The following DOCK11 variants were observed in gnomAD, a reference collection of about 807,000 sequenced individuals.
DOCK11 encodes the protein dedicator of cytokinesis 11.
In DOCK11, 70 loss-of-function variants were observed where a neutral mutation model predicts 169.1. That is an observed-to-expected ratio of 0.41 (90% CI 0.34 to 0.51). DOCK11 has a LOEUF of 0.51. DOCK11 is among the 20% of genes least tolerant of loss of function. DOCK11 has a pLI of 0.10. For synonymous variants in DOCK11, 529 were observed against 541.3 expected, an observed-to-expected ratio of 0.98 and a Z score of 0.32; for missense variants, 1,166 against 1,538.8, an observed-to-expected ratio of 0.76 and a Z score of 4.05.
intron 41 of DOCK11, among the ~76,000 whole-genome samples, chrX:118,649,357 A>G (rs1324553648): frequency 2.7e-5 from 3 of 111,878 alleles, no homozygotes; most frequent in Non-Finnish European, 5.6e-5. Flanking sequence ...TATATGTTGA[A>G]ATGATATGTT....
chrX:118,627,625 A>G, intron 33 of DOCK11, 46 bp downstream of exon 33: 1 of 918,128 alleles, frequency 1.1e-6, no homozygotes, highest in Non-Finnish European at 1.6e-6. Context: ...GTGTTTAGAC[A>G]TGTACCCTCT....
intron 48 of DOCK11, among the ~76,000 whole-genome samples, chrX:118,680,084 G>A (rs753409424): frequency 3.7e-5 from 4 of 107,862 alleles, no homozygotes; most frequent in African/African-American, 1.4e-4. Flanking sequence ...ATGCCACCCC[G>A]CCTGGCTAAT....
intron 16 of DOCK11, 144 bp downstream of exon 16, chrX:118,585,261 T>A: frequency 1.9e-6 from 1 of 517,028 alleles, no homozygotes; most frequent in Non-Finnish European, 3.2e-6. Flanking sequence ...TTGGGTGGCT[T>A]AAGACAACAA....
At chrX:118,567,235 A>G (rs1270533978) in intron 9 of DOCK11, among the ~76,000 whole-genome samples, 1 of 111,535 alleles carries the variant, frequency 9.0e-6, no homozygotes, top group Admixed American at 9.5e-5. Flanking sequence ...ATTATAGTAG[A>G]TTAGAAGGTT....
At chrX:118,680,379 G>A (rs2016714151) in intron 48 of DOCK11, 103 bp from the exon 49 acceptor site, 1 of 387,065 alleles carries the variant, frequency 2.6e-6, no homozygotes, top group Non-Finnish European at 4.0e-6. Flanking sequence ...TTCCTCACTT[G>A]GTCTCAAAGA....
At chrX:118,565,458 C>T (rs2013050955) in intron 7 of DOCK11, among the ~76,000 whole-genome samples, 1 of 111,757 alleles carries the variant, frequency 8.9e-6, no homozygotes, top group African/African-American at 3.3e-5. Context: ...TATGGTCGCC[C>T]TATTGTGCTG....
At chrX:118,600,409 TA>T (rs749187430) in intron 23 of DOCK11, among the ~76,000 whole-genome samples, 151 of 73,863 alleles carry the variant, frequency 2.0e-3, no homozygotes, top group African/African-American at 3.2e-3. Context: ...TCTTTTTTTT[TA>T]AAAAAAAAAA....
At chrX:118,656,392 C>G (rs1301621852) in intron 44 of DOCK11, among the ~76,000 whole-genome samples, 1 of 111,624 alleles carries the variant, frequency 9.0e-6, no homozygotes, top group Non-Finnish European at 1.9e-5. Flanking sequence ...CTCTGGAATT[C>G]TTTTGAATAA....
At chrX:118,642,368 A>C (rs2015554588) in intron 39 of DOCK11, among the ~76,000 whole-genome samples, 1 of 112,356 alleles carries the variant, frequency 8.9e-6, no homozygotes, top group Admixed American at 9.5e-5. Flanking sequence ...GAAATGTTCT[A>C]AAATTGGATT....
At chrX:118,608,715 A>G (rs1267743371) in intron 26 of DOCK11, among the ~76,000 whole-genome samples, 2 of 112,008 alleles carry the variant, frequency 1.8e-5, no homozygotes, top group African/African-American at 6.5e-5. Context: ...CGTTCCTGGC[A>G]CATTGTAGGC....
Position 118,641,180 on chromosome X carries a change from T to C in DOCK11, c.4145-10T>C. On this transcript the variant is annotated splice_polypyrimidine_tract_variant and intron_variant, in intron 38 of 52. Coordinates refer to ENST00000276202, the MANE Select transcript of DOCK11 (RefSeq NM_144658.4). ...GTTGGGAAAAGTTTAATTTACTTTT[T>C]TAATCCTAGGTTCTACAACAACTGA... is the stretch of plus-strand genomic sequence containing the variant. The C allele has an allele frequency of 8.5e-7, 1 of 1,171,533 alleles. No individual in the cohort carries two copies. The highest frequency in any genetic ancestry group is 1.2e-6 in the Non-Finnish European group (1 of 859,241).
At chrX:118,625,356 C>T (rs1490258644) in intron 32 of DOCK11, among the ~76,000 whole-genome samples, 2 of 110,441 alleles carry the variant, frequency 1.8e-5, no homozygotes, top group Non-Finnish European at 3.8e-5. Context: ...GGTGTTTCAC[C>T]ATGTTAGCCA....
chrX:118,535,846 C>T (rs753939092), intron 1 of DOCK11, among the ~76,000 whole-genome samples: 73 of 111,654 alleles, frequency 6.5e-4, no homozygotes, highest in Non-Finnish European at 1.1e-3. Flanking sequence ...ATGCCCCTCC[C>T]GCCCCACCAC....
At chrX:118,673,520 C>T (rs2016537118) in intron 46 of DOCK11, among the ~76,000 whole-genome samples, 1 of 111,542 alleles carries the variant, frequency 9.0e-6, no homozygotes, top group African/African-American at 3.3e-5. Context: ...TTCAGTGTAT[C>T]TCTATGGAAC....
Position 118,609,241 on chromosome X carries a change from TG to T in DOCK11, c.2878-35del, listed in dbSNP as rs1239422671. On this transcript the variant is annotated intron_variant, in intron 26 of 52. Transcript: ENST00000276202. ...CAAACTTTGCTAAGCTTCAGAGATT[TG>T]GTAACCGTTAAAGATTCTCTTTCTT... is the stretch of plus-strand genomic sequence containing the variant. 3 of 1,080,331 alleles carry T rather than the reference TG, an allele frequency of 2.8e-6. No individual in the cohort carries two copies. In the African/African-American group the frequency reaches 5.6e-5, roughly 20 times the overall value. 89.0% of individuals were successfully genotyped at this position (1,080,331 alleles called of 1,213,427 possible). A position where few individuals can be genotyped will look rare whatever the true frequency, so the allele number is the denominator to read the frequency against.
At chrX:118,620,332 A>G (rs896331130) in intron 31 of DOCK11, among the ~76,000 whole-genome samples, 1 of 111,657 alleles carries the variant, frequency 9.0e-6, no homozygotes, top group Admixed American at 9.5e-5. Flanking sequence ...GTCATTTATC[A>G]TCGGTCATTT....
chrX:118,573,736 C>T (rs1603078487), intron 11 of DOCK11, 70 bp from the exon 12 acceptor site: 1 of 882,987 alleles, frequency 1.1e-6, no homozygotes, highest in Non-Finnish European at 1.6e-6. Context: ...ACTTATTTTG[C>T]ACTTGTGCCC....
chrX:118,679,616 A>G (rs1256541705), intron 48 of DOCK11, among the ~76,000 whole-genome samples: 1 of 110,807 alleles, frequency 9.0e-6, no homozygotes, highest in Non-Finnish European at 1.9e-5. Flanking sequence ...GTGCATGTCT[A>G]TGGTCCCAGC....
chrX:118,516,018 T>TATATATATATAC lies in DOCK11; in HGVS notation c.102+19946_102+19947insTATATATATACA, dbSNP rs1269373292. Among the ~76,000 whole-genome samples the TATATATATATAC allele has an allele frequency of 4.2e-4, 34 of 81,475 alleles. 1 individual carries two copies. The highest frequency in any genetic ancestry group is 7.8e-4 in the Non-Finnish European group (34 of 43,574). The allele number at this position is 81,475 out of a possible 115,157, so 70.8% of individuals were successfully genotyped here. A position where few individuals can be genotyped will look rare whatever the true frequency, so the allele number is the denominator to read the frequency against. ...GGATTTGGGCAAATATATATATATA[T>TATATATATATAC]ACATTCTTACACCAGAAAACTGTGC... On this transcript the variant is annotated intron_variant, in intron 1 of 52. Coordinates refer to ENST00000276202, the MANE Select transcript of DOCK11 (RefSeq NM_144658.4).
Sources: gnomAD v4.1 joint callset for allele counts (sites outside exome capture counted in the v4.1 genomes callset) on GRCh38, gnomAD v4.1.1 for gene constraint, MANE v1.5 for transcripts, NCBI Gene and HGNC (gene_info 2026-07-23, HGNC 2026-07-21) for gene names.